The following SLC22A24 variants were observed in gnomAD, a reference collection of about 807,000 sequenced individuals.
SLC22A24 encodes solute carrier family 22 member 24.
SLC22A24 carries 53 observed loss-of-function variants against 49.8 expected under a neutral mutation model. The observed-to-expected ratio is 1.06, with a 90% CI of 0.85 to 1.34. SLC22A24 has a LOEUF of 1.34. Among genes scored for constraint, SLC22A24 ranks in the 40% most tolerant of loss-of-function variants. The probability of loss-of-function intolerance (pLI) is 0.00; values close to 1 mark genes in which losing one functional copy is unlikely to be tolerated. For missense variants in SLC22A24, 786 were observed against 675.9 expected, an observed-to-expected ratio of 1.16 and a Z score of -1.81; for synonymous variants, 302 against 256.4, an observed-to-expected ratio of 1.18 and a Z score of -1.70.
intron 4 of SLC22A24, among the ~76,000 whole-genome samples, chr11:63,107,839 A>G (rs941586231): frequency 4.6e-5 from 7 of 152,172 alleles, no homozygotes; most frequent in Non-Finnish European, 1.0e-4. Flanking sequence ...TTGGGCTGAG[A>G]CAATGGGGTT....
At chr11:63,119,876 G>A (rs1218666808) in intron 2 of SLC22A24, among the ~76,000 whole-genome samples, 3 of 152,164 alleles carry the variant, frequency 2.0e-5, no homozygotes, top group Non-Finnish European at 4.4e-5. Flanking sequence ...ATAGAAAACA[G>A]TTCAGCATTT....
At chr11:63,128,058 A>G (rs982429081) in intron 2 of SLC22A24, among the ~76,000 whole-genome samples, 1 of 151,924 alleles carries the variant, frequency 6.6e-6, no homozygotes, top group Non-Finnish European at 1.5e-5. Flanking sequence ...ATATAAAATA[A>G]GAAGAGTTAT....
intron 2 of SLC22A24, among the ~76,000 whole-genome samples, chr11:63,119,770 G>C (rs1275484509): frequency 2.0e-5 from 3 of 152,140 alleles, no homozygotes; most frequent in Non-Finnish European, 1.5e-5. Flanking sequence ...TTGAAAGGAA[G>C]AGTGGAAAGA....
At chr11:63,123,326 G>A (rs1222382400) in intron 2 of SLC22A24, among the ~76,000 whole-genome samples, 2 of 152,206 alleles carry the variant, frequency 1.3e-5, no homozygotes, top group Admixed American at 1.3e-4. Context: ...TCACAGTGAT[G>A]TAAAATGGTG....
chr11:63,120,050 A>T (rs1272275482), intron 2 of SLC22A24, among the ~76,000 whole-genome samples: 3 of 149,920 alleles, frequency 2.0e-5, no homozygotes, highest in South Asian at 4.3e-4. Flanking sequence ...GGTTGTGAAA[A>T]TTTTCTCCGA....
At position 63,137,156 on chromosome 11, in the gene SLC22A24, C is replaced by G. The variant is rs112558311; in HGVS notation, c.403-2388G>C. On this transcript the variant is annotated intron_variant, in intron 1 of 9. Transcript: ENST00000612278. ...GTCTGTTTGGCTCCTGAGGAGGTCT[C>G]GGTTGGTTCTTTCTAACTAGTAGGA... Among the ~76,000 whole-genome samples, 274 of 152,126 alleles carry G rather than the reference C, an allele frequency of 1.8e-3. 2 individuals are homozygous for G. Among genetic ancestry groups the G allele is most frequent in the African/African-American group, 6.2e-3 (257 of 41,500 alleles).
intron 1 of SLC22A24, among the ~76,000 whole-genome samples, chr11:63,138,582 C>A (rs192770207): frequency 0.025 from 3,393 of 134,792 alleles, 67 homozygotes; most frequent in Middle Eastern, 0.1. Context: ...GTGGAGCTTG[C>A]AGTGAGCCAA....
At chr11:63,115,404 T>G (rs1018479703) in intron 4 of SLC22A24, among the ~76,000 whole-genome samples, 2 of 152,198 alleles carry the variant, frequency 1.3e-5, no homozygotes, top group African/African-American at 4.8e-5. Flanking sequence ...GTCTGCTGGT[T>G]GCTAAGACCT....
At chr11:63,083,170 G>A (rs920987338) in intron 7 of SLC22A24, 73 bp downstream of exon 7, 2 of 1,214,188 alleles carry the variant, frequency 1.6e-6, no homozygotes, top group Non-Finnish European at 2.4e-6. Flanking sequence ...TTGGCACCAG[G>A]CATAAAAGAC....
At chr11:63,131,996 C>CT (rs2087339577) in intron 2 of SLC22A24, among the ~76,000 whole-genome samples, 3 of 152,056 alleles carry the variant, frequency 2.0e-5, no homozygotes, top group Non-Finnish European at 1.5e-5. Context: ...TCTTTTTTCT[C>CT]TAATCTTGTC....
intron 2 of SLC22A24, among the ~76,000 whole-genome samples, chr11:63,127,606 G>A (rs1005028536): frequency 1.3e-5 from 2 of 152,172 alleles, no homozygotes; most frequent in African/African-American, 4.8e-5. Flanking sequence ...CAGTGTAAAA[G>A]TGTTCCTATT....
At chr11:63,113,030 A>T (rs2087178739) in intron 4 of SLC22A24, among the ~76,000 whole-genome samples, 1 of 42,670 alleles carries the variant, frequency 2.3e-5, no homozygotes, top group Non-Finnish European at 4.2e-5. Flanking sequence ...AAAAAAAAAA[A>T]AAAAAATATA....
intron 4 of SLC22A24, among the ~76,000 whole-genome samples, chr11:63,109,580 C>T (rs2087147387): frequency 6.7e-6 from 1 of 149,146 alleles, no homozygotes. Flanking sequence ...TTTTGATTTG[C>T]ATTTCTCTGA....
chr11:63,107,489 G>C (rs2087129452), intron 4 of SLC22A24, among the ~76,000 whole-genome samples: 2 of 152,156 alleles, frequency 1.3e-5, no homozygotes, highest in Non-Finnish European at 2.9e-5. Flanking sequence ...GTAGCTTGAT[G>C]GGGATGGCAT....
chr11:63,084,374 G>C (rs2086975850), intron 6 of SLC22A24, among the ~76,000 whole-genome samples: 1 of 152,204 alleles, frequency 6.6e-6, no homozygotes. Flanking sequence ...CTGAAAGAGA[G>C]AGCTTGTATG....
chr11:63,133,031 TC>T (rs1203239464), intron 2 of SLC22A24, among the ~76,000 whole-genome samples: 1 of 152,024 alleles, frequency 6.6e-6, no homozygotes, highest in Non-Finnish European at 1.5e-5. Context: ...TGGATGCCCC[TC>T]CCCCTGTCAA....
chr11:63,101,306 TG>T (rs1171096660), intron 5 of SLC22A24, among the ~76,000 whole-genome samples: 12 of 151,992 alleles, frequency 7.9e-5, no homozygotes, highest in South Asian at 2.1e-4. Context: ...TGTTACTACT[TG>T]TTTTTTTTTT....
intron 2 of SLC22A24, among the ~76,000 whole-genome samples, chr11:63,128,325 C>T (rs936827275): frequency 2.0e-5 from 3 of 152,112 alleles, no homozygotes; most frequent in Non-Finnish European, 2.9e-5. Flanking sequence ...CCTGGGAAGA[C>T]ACCTGTTACC....
Position 63,080,953 on chromosome 11 carries a change from G to A in SLC22A24, c.1565C>T (p.Pro522Leu), listed in dbSNP as rs2086955925. The change falls in exon 9 of 10, where the codon CCT becomes CTT. Residue 522 changes from proline to leucine, a missense_variant. Physicochemically the swap from Pro to Leu is moderately conservative, Grantham distance 98. Coordinates refer to ENST00000612278, the MANE Select transcript of SLC22A24 (RefSeq NM_001136506.2). ...CACATCCTGGATGGTGTTAGGAAGAGGTAGATCCCTGGTTTCTGGAAGGAG... is the reference window on the plus strand; with the variant it reads ...CACATCCTGGATGGTGTTAGGAAGAAGTAGATCCCTGGTTTCTGGAAGGAG... ...ILLLPETRDLPLPNTIQDVEN... is the reference protein window; with the variant it reads ...ILLLPETRDLLLPNTIQDVEN... The A allele has an allele frequency of 1.3e-6, 2 of 1,552,298 alleles. No homozygotes were observed. The highest frequency in any genetic ancestry group is 1.2e-5 in the South Asian group (1 of 84,080).
Sources: gnomAD v4.1 joint callset for allele counts (sites outside exome capture counted in the v4.1 genomes callset) on GRCh38, gnomAD v4.1.1 for gene constraint, MANE v1.5 for transcripts, NCBI Gene and HGNC (gene_info 2026-07-23, HGNC 2026-07-21) for gene names.